BMERB1: variants seen among roughly 807,000 people sequenced by gnomAD.
BMERB1 encodes the protein bMERB domain containing 1.
A neutral mutation model predicts 23.6 loss-of-function variants in BMERB1; 12 were observed. The observed-to-expected ratio is 0.51, with a 90% confidence interval of 0.33 to 0.82. The LOEUF is 0.82. Among genes scored for constraint, BMERB1 ranks in the 40% least tolerant of loss-of-function variants. The pLI is 0.03. For synonymous variants in BMERB1, 122 were observed against 96.6 expected (o/e 1.26, Z -1.54); for missense variants, 247 against 255.4 (o/e 0.97, Z 0.22).
intron 2 of BMERB1, among the ~76,000 whole-genome samples, chr16:15,515,712 G>A (rs1371374654): frequency 6.6e-6 from 1 of 152,112 alleles, no homozygotes; most frequent in Non-Finnish European, 1.5e-5. Flanking sequence ...GAATGCAGAG[G>A]CTGTACCCTG....
rs376935756 is a variant in BMERB1, at chr16:15,447,425, A to G, written c.106+12666A>G. On this transcript the variant is annotated intron_variant, in intron 1 of 5. Coordinates refer to ENST00000300006, the MANE Select transcript of BMERB1 (RefSeq NM_033201.3). ...TGGGGGAAACCGCCCCCATGATCCA[A>G]TTACCTCCCACCAGGTCCCTCCCTC... 7.9e-5 allele frequency among the ~76,000 whole-genome samples: 12 copies of G among 152,202 alleles called. No individual in the cohort carries two copies. In the East Asian group the frequency reaches 9.7e-4, roughly 12 times the overall value.
In BMERB1 at chr16:15,505,905, A is replaced by T. The variant is rs1015915007; in HGVS notation, c.107-9400A>T. On this transcript the variant is annotated intron_variant, in intron 1 of 5. Coordinates refer to ENST00000300006, the MANE Select transcript of BMERB1 (RefSeq NM_033201.3). ...GCCGTTTCAAAAAAAAAAAAAAAAA[A>T]GTGAATGTCATGACATACTGAGTGG... Among the ~76,000 whole-genome samples the T allele has an allele frequency of 4.6e-4, 69 of 151,242 alleles. 1 individual carries two copies. The highest frequency in any genetic ancestry group is 4.5e-3 in the Admixed American group (69 of 15,180).
intron 1 of BMERB1, among the ~76,000 whole-genome samples, chr16:15,444,564 A>G (rs1229339003): frequency 6.6e-6 from 1 of 152,150 alleles, no homozygotes; most frequent in Non-Finnish European, 1.5e-5. Context: ...TGACAAATAC[A>G]TGTCACTAAA....
intron 1 of BMERB1, among the ~76,000 whole-genome samples, chr16:15,463,828 T>A (rs926329367): frequency 6.6e-6 from 1 of 151,214 alleles, no homozygotes; most frequent in Non-Finnish European, 1.5e-5. Context: ...AATGTTGGGA[T>A]GCCTCAGCAT....
At chr16:15,482,208 A>G (rs975802437) in intron 1 of BMERB1, among the ~76,000 whole-genome samples, 2 of 152,142 alleles carry the variant, frequency 1.3e-5, no homozygotes, top group African/African-American at 4.8e-5. Flanking sequence ...GAGAAGAGGA[A>G]AGGAGAGCCA....
intron 1 of BMERB1, among the ~76,000 whole-genome samples, chr16:15,456,746 G>T (rs1198318522): frequency 3.3e-5 from 5 of 152,054 alleles, no homozygotes; most frequent in African/African-American, 1.2e-4. Context: ...GGACAGCTAG[G>T]TGATTTAACA....
At position 15,570,935 on chromosome 16, in the gene BMERB1, G is replaced by T. The variant is rs535372898; in HGVS notation, c.304+2879G>T. Among the ~76,000 whole-genome samples, 10 of 152,082 alleles carry T rather than the reference G, an allele frequency of 6.6e-5. No homozygotes were observed. The East Asian group carries it at 1.7e-3, about 26-fold the overall frequency. ...TTAGCATGCTAATACCTTATAATTA[G>T]CATATAATGAGTAGTGAGGACGACC... On this transcript the variant is annotated intron_variant, in intron 3 of 5. Coordinates refer to ENST00000300006, the MANE Select transcript of BMERB1 (RefSeq NM_033201.3).
chr16:15,524,350 A>G (rs2051885560), intron 2 of BMERB1, among the ~76,000 whole-genome samples: 1 of 152,170 alleles, frequency 6.6e-6, no homozygotes, highest in African/African-American at 2.4e-5. Flanking sequence ...CGGAGAGACT[A>G]AAGGGAGGAG....
At chr16:15,513,336 G>T (rs2051697096) in intron 1 of BMERB1, among the ~76,000 whole-genome samples, 1 of 152,082 alleles carries the variant, frequency 6.6e-6, no homozygotes, top group South Asian at 2.1e-4. Context: ...TAAGTGCTTC[G>T]TGATACAGCC....
chr16:15,584,003 T>G (rs1310227568), intron 5 of BMERB1: 2 of 702,220 alleles, frequency 2.8e-6, no homozygotes. Flanking sequence ...CTGGCCTCTC[T>G]TAGGTCTGGA....
intron 1 of BMERB1, among the ~76,000 whole-genome samples, chr16:15,436,730 C>T (rs375123734): frequency 6.6e-6 from 1 of 152,070 alleles, no homozygotes; most frequent in Admixed American, 6.6e-5. Flanking sequence ...TCATTCTACT[C>T]TGTATCTCCA....
At chr16:15,585,112 A>G (rs2031109331) in intron 5 of BMERB1, among the ~76,000 whole-genome samples, 1 of 152,244 alleles carries the variant, frequency 6.6e-6, no homozygotes, top group Non-Finnish European at 1.5e-5. Context: ...GGAGTAAGGA[A>G]AGAGAAGGGC....
intron 2 of BMERB1, among the ~76,000 whole-genome samples, chr16:15,557,975 C>T (rs1173186349): frequency 7.9e-5 from 12 of 151,856 alleles, no homozygotes; most frequent in East Asian, 1.9e-4. Flanking sequence ...ACCTGTGAGG[C>T]GGAGGTTGCA....
At chr16:15,544,867 C>T (rs2052117538) in intron 2 of BMERB1, among the ~76,000 whole-genome samples, 1 of 152,250 alleles carries the variant, frequency 6.6e-6, no homozygotes, top group Admixed American at 6.5e-5. Flanking sequence ...GACACTCTAT[C>T]AGAGAATTAC....
At chr16:15,552,792 G>C (rs534254797) in intron 2 of BMERB1, among the ~76,000 whole-genome samples, 19 of 152,340 alleles carry the variant, frequency 1.2e-4, no homozygotes, top group African/African-American at 4.6e-4. Flanking sequence ...ACTGTTTTCT[G>C]GATGAGTCAG....
intron 1 of BMERB1, among the ~76,000 whole-genome samples, chr16:15,497,147 A>T (rs2051481349): frequency 6.6e-6 from 1 of 152,214 alleles, no homozygotes; most frequent in African/African-American, 2.4e-5. Flanking sequence ...CAGAAGGCCG[A>T]CACTGAGACA....
chr16:15,512,012 CAAAAAAA>C (rs57021793), intron 1 of BMERB1, among the ~76,000 whole-genome samples: 66 of 61,124 alleles, frequency 1.1e-3, no homozygotes, highest in African/African-American at 2.9e-3. Context: ...GACTTGCTCT[CAAAAAAA>C]AAAAAAAAAA....
intron 1 of BMERB1, among the ~76,000 whole-genome samples, chr16:15,440,099 G>A (rs1389354440): frequency 6.6e-6 from 1 of 151,936 alleles, no homozygotes; most frequent in East Asian, 1.9e-4. Context: ...ACAAAAATTA[G>A]CCAGGCGTGG....
intron 4 of BMERB1, among the ~76,000 whole-genome samples, chr16:15,581,634 AAT>A (rs2031016320): frequency 6.6e-6 from 1 of 152,214 alleles, no homozygotes; most frequent in Non-Finnish European, 1.5e-5. Flanking sequence ...TCCTGAAGGC[AAT>A]GTCTTGAAAC....
Sources: gnomAD v4.1 joint callset for allele counts (sites outside exome capture counted in the v4.1 genomes callset) on GRCh38, gnomAD v4.1.1 for gene constraint, MANE v1.5 for transcripts, NCBI Gene and HGNC (gene_info 2026-07-23, HGNC 2026-07-21) for gene names.